Variants in ARK2C observed in about 807,000 individuals in gnomAD.
ARK2C encodes the protein E3 ubiquitin-protein ligase ARK2C.
At chr18:46,404,056 C>T in the ARK2C span, among the ~76,000 whole-genome samples, 3 of 152,294 alleles carry the variant, frequency 2.0e-5, no homozygotes, top group African/African-American at 7.2e-5. Flanking sequence ...CTTCAAAATC[C>T]ATTACAGATT....
the ARK2C span, among the ~76,000 whole-genome samples, chr18:46,371,931 C>T: frequency 1.3e-5 from 2 of 152,204 alleles, no homozygotes; most frequent in Non-Finnish European, 2.9e-5. Flanking sequence ...ATCCATTCAA[C>T]TAACAGCTGT....
At chr18:46,335,469 T>G in the ARK2C span, 1 of 152,282 alleles carries the variant, frequency 6.6e-6, no homozygotes, top group Admixed American at 6.5e-5. Context: ...TTCATTTTTT[T>G]TCTTTTTTGT....
chr18:46,400,229 C>T, the ARK2C span, among the ~76,000 whole-genome samples: 1 of 152,240 alleles, frequency 6.6e-6, no homozygotes, highest in Non-Finnish European at 1.5e-5. Context: ...CCTATACCCT[C>T]CTCTGAGCCT....
chr18:46,378,841 T>A, the ARK2C span, among the ~76,000 whole-genome samples: 1 of 151,906 alleles, frequency 6.6e-6, no homozygotes, highest in Admixed American at 6.6e-5. Flanking sequence ...ACGGAGGGGG[T>A]GCAGGATAGA....
At chr18:46,410,946 T>C in the ARK2C span, among the ~76,000 whole-genome samples, 1 of 152,314 alleles carries the variant, frequency 6.6e-6, no homozygotes, top group Admixed American at 6.5e-5. Context: ...CCAGTGTGTG[T>C]CAGGTGCTGG....
At chr18:46,368,926 A>T in the ARK2C span, among the ~76,000 whole-genome samples, 1 of 152,264 alleles carries the variant, frequency 6.6e-6, no homozygotes, top group Admixed American at 6.5e-5. Context: ...CATGGCACAC[A>T]GTAATTGCTT....
the ARK2C span, among the ~76,000 whole-genome samples, chr18:46,410,950 G>A: frequency 1.3e-5 from 2 of 152,200 alleles, no homozygotes; most frequent in Non-Finnish European, 2.9e-5. Context: ...TGTGTGTCAG[G>A]TGCTGGCTGT....
the ARK2C span, chr18:46,336,971 C>T: frequency 1.0e-6 from 1 of 985,404 alleles, no homozygotes; most frequent in Non-Finnish European, 1.2e-6. Flanking sequence ...TAAGTGGGAG[C>T]CATGGCCATA....
chr18:46,386,650 A>G, the ARK2C span: 1 of 152,130 alleles, frequency 6.6e-6, no homozygotes. Flanking sequence ...AACCATGTAG[A>G]TAGCTATAGA....
chr18:46,423,521 A>G, the ARK2C span, among the ~76,000 whole-genome samples: 1 of 152,220 alleles, frequency 6.6e-6, no homozygotes, highest in Non-Finnish European at 1.5e-5. Flanking sequence ...TGTTATTTCC[A>G]TTCGGCAAGC....
the ARK2C span, among the ~76,000 whole-genome samples, chr18:46,367,657 T>C: frequency 2.0e-5 from 3 of 152,176 alleles, no homozygotes; most frequent in Non-Finnish European, 2.9e-5. Context: ...GAACAAGTTG[T>C]ATTCATATGA....
the ARK2C span, among the ~76,000 whole-genome samples, chr18:46,385,082 C>T: frequency 6.6e-6 from 1 of 152,092 alleles, no homozygotes; most frequent in Non-Finnish European, 1.5e-5. Flanking sequence ...TTGACATCTC[C>T]ATGGGAGATG....
chr18:46,337,390 T>G, the ARK2C span: 7 of 985,392 alleles, frequency 7.1e-6, no homozygotes, highest in Non-Finnish European at 8.4e-6. Context: ...GTACTAAAAC[T>G]AAAGCATGAT....
At chr18:46,404,771 CACACACACACACACAT>C in the ARK2C span, among the ~76,000 whole-genome samples, 13 of 150,282 alleles carry the variant, frequency 8.7e-5, no homozygotes, top group Non-Finnish European at 1.3e-4. Context: ...CACACACAAA[CACACACACACACACAT>C]ACACACACAC....
At chr18:46,421,563 G>A in the ARK2C span, among the ~76,000 whole-genome samples, 6,622 of 152,228 alleles carry the variant, frequency 0.044, 431 homozygotes, top group African/African-American at 0.14. Flanking sequence ...CACTTTGTTG[G>A]TTTAGATGGG....
the ARK2C span, chr18:46,334,189 C>G: frequency 1.1e-6 from 1 of 898,784 alleles, no homozygotes; most frequent in Non-Finnish European, 1.3e-6. This position sits in a 1 kb window ranked among gnomAD's most constrained non-coding sequence, Gnocchi z 4.4. Context: ...CCCGCAGCCC[C>G]GCCGCCGCCC....
At chr18:46,370,621 C>A in the ARK2C span, among the ~76,000 whole-genome samples, 1 of 152,194 alleles carries the variant, frequency 6.6e-6, no homozygotes, top group East Asian at 1.9e-4. Context: ...TGATCTTAAA[C>A]GTACCAGGTG....
At chr18:46,437,828 C>G in the ARK2C span, among the ~76,000 whole-genome samples, 1 of 152,214 alleles carries the variant, frequency 6.6e-6, no homozygotes. Flanking sequence ...GACTATACCC[C>G]ACTCTGTCAC....
the ARK2C span, among the ~76,000 whole-genome samples, chr18:46,365,685 A>G: frequency 1.3e-5 from 2 of 152,052 alleles, no homozygotes; most frequent in African/African-American, 2.4e-5. Context: ...TATATTTTTT[A>G]GTAGAGATGG....
Sources: gnomAD v4.1 joint callset for allele counts (sites outside exome capture counted in the v4.1 genomes callset) on GRCh38, gnomAD v4.1.1 for gene constraint, Gnocchi (gnomAD v3.1) non-coding constraint, MANE v1.5 for transcripts, NCBI Gene and HGNC (gene_info 2026-07-23, HGNC 2026-07-21) for gene names.